The following CYRIB variants were observed in gnomAD, a reference collection of about 807,000 sequenced individuals.
CYRIB encodes CYFIP-related Rac1 interactor B.
Under a neutral mutation model 44.2 loss-of-function variants are expected in CYRIB, and 8 were observed. The ratio of observed to expected loss-of-function variants is 0.18; its 90% CI spans 0.11 to 0.33. The LOEUF (loss-of-function observed/expected upper bound fraction) is 0.33, where lower values mean the gene tolerates loss of function less well. Among genes scored for constraint, CYRIB ranks in the 10% least tolerant of loss-of-function variants. The pLI, the probability that CYRIB is intolerant of heterozygous loss-of-function variation, is 1.00. For synonymous variants in CYRIB, 131 were observed against 127.2 expected (o/e 1.03, Z -0.20); for missense variants, 185 against 382.8 (o/e 0.48, Z 4.31).
At chr8:130,002,312 T>A (rs2096925368) in intron 1 of CYRIB, among the ~76,000 whole-genome samples, 1 of 152,034 alleles carries the variant, frequency 6.6e-6, no homozygotes. Context: ...AATTAAAAAA[T>A]TAATCAGATG....
chr8:129,955,252 CAAAAAAAA>C (rs34829432), intron 2 of CYRIB, among the ~76,000 whole-genome samples: 1 of 102,868 alleles, frequency 9.7e-6, no homozygotes, highest in African/African-American at 3.7e-5. Flanking sequence ...AACTCCGTCT[CAAAAAAAA>C]AAAAAAAAAA....
chr8:129,956,830 T>TCC (rs1433321058), intron 2 of CYRIB, among the ~76,000 whole-genome samples: 6 of 34,590 alleles, frequency 1.7e-4, no homozygotes, highest in African/African-American at 7.7e-4. Flanking sequence ...CCTCCCTCCC[T>TCC]CCCCCCAGCC....
Position 130,006,610 on chromosome 8 carries a change from ATATATGTG to A in CYRIB, c.-296+9752_-296+9759del, listed in dbSNP as rs1398966243. Among the ~76,000 whole-genome samples, 92 of 16,256 alleles carry A rather than the reference ATATATGTG, an allele frequency of 5.7e-3. 11 individuals carry two copies. The highest frequency in any genetic ancestry group is 0.035 in the South Asian group (8 of 230). 10.7% of individuals were successfully genotyped at this position (16,256 alleles called of 152,430 possible). A position where few individuals can be genotyped will look rare whatever the true frequency, so the allele number is the denominator to read the frequency against. ...AAACACAAATTATATATATATACAT[ATATATGTG>A]TATATATATACATATATATGTGTAT... On this transcript the variant is annotated intron_variant, in intron 1 of 14. Coordinates refer to the CYRIB transcript ENST00000401979.
chr8:129,995,248 G>T (rs1208990462), intron 1 of CYRIB, among the ~76,000 whole-genome samples: 1 of 152,198 alleles, frequency 6.6e-6, no homozygotes, highest in East Asian at 1.9e-4. Context: ...CAGGCTCCCA[G>T]GGTGGCGGAA....
chr8:130,001,590 G>T (rs529749414), intron 1 of CYRIB, among the ~76,000 whole-genome samples: 10 of 145,508 alleles, frequency 6.9e-5, no homozygotes, highest in African/African-American at 2.6e-4. Context: ...GTGCAATGGC[G>T]CAATCTTGGT....
intron 1 of CYRIB, among the ~76,000 whole-genome samples, chr8:130,013,390 A>G (rs972060975): frequency 6.6e-6 from 1 of 152,230 alleles, no homozygotes; most frequent in Non-Finnish European, 1.5e-5. Flanking sequence ...GAGCCCTGGG[A>G]GACCAACGGG....
intron 1 of CYRIB, among the ~76,000 whole-genome samples, chr8:129,911,579 A>G (rs1023468622): frequency 5.3e-5 from 8 of 152,070 alleles, no homozygotes; most frequent in Non-Finnish European, 1.0e-4. Context: ...AGGTGGGCGA[A>G]TCACGAGGTC....
intron 2 of CYRIB, among the ~76,000 whole-genome samples, chr8:129,892,168 C>A (rs1362945896): frequency 6.6e-6 from 1 of 152,120 alleles, no homozygotes; most frequent in Non-Finnish European, 1.5e-5. Flanking sequence ...TGGTTTGCAT[C>A]AAGTACAGAC....
intron 2 of CYRIB, among the ~76,000 whole-genome samples, chr8:129,892,042 G>A (rs2065656404): frequency 3.3e-5 from 5 of 152,048 alleles, no homozygotes; most frequent in Admixed American, 2.6e-4. Context: ...GCCATTAAAT[G>A]TTAAAAAAAC....
chr8:130,011,687 G>A (rs112220151), intron 1 of CYRIB, among the ~76,000 whole-genome samples: 2,746 of 151,446 alleles, frequency 0.018, 78 homozygotes, highest in African/African-American at 0.064. Flanking sequence ...AAAGAAATTA[G>A]CCAGGCATGG....
chr8:129,981,411 G>A (rs1401195181), intron 1 of CYRIB, among the ~76,000 whole-genome samples: 1 of 152,178 alleles, frequency 6.6e-6, no homozygotes, highest in South Asian at 2.1e-4. Context: ...TCAGCCGCCC[G>A]AAGCGCTGTG....
At chr8:129,940,213 G>A (rs1481489318), upstream of CYRIB, among the ~76,000 whole-genome samples, 2 of 152,134 alleles carry the variant, frequency 1.3e-5, no homozygotes, top group Admixed American at 6.5e-5. Flanking sequence ...ACTGGACCTC[G>A]GGACTCGATG....
intron 1 of CYRIB, among the ~76,000 whole-genome samples, chr8:130,008,954 C>A (rs1237487645): frequency 6.6e-6 from 1 of 152,198 alleles, no homozygotes; most frequent in Non-Finnish European, 1.5e-5. Flanking sequence ...CTCCCTGAGT[C>A]CCAGCACTGA....
chr8:129,855,860 A>G (rs2045955637), intron 5 of CYRIB, 113 bp from the exon 8 acceptor site: 1 of 968,924 alleles, frequency 1.0e-6, no homozygotes. Context: ...TCTTTAAAAA[A>G]CAGATGATCT....
intron 1 of CYRIB, among the ~76,000 whole-genome samples, chr8:129,932,135 A>G (rs1170919683): frequency 1.3e-5 from 2 of 151,272 alleles, no homozygotes; most frequent in Non-Finnish European, 2.9e-5. Context: ...AGTAGCTGGG[A>G]TTACAGGTGC....
intron 1 of CYRIB, among the ~76,000 whole-genome samples, chr8:130,006,029 G>A (rs546995495): frequency 5.3e-5 from 8 of 152,088 alleles, no homozygotes; most frequent in African/African-American, 1.7e-4. Flanking sequence ...CAGGCTGGGC[G>A]CGGTAGCTCA....
rs532997313 is a variant in CYRIB, at chr8:129,958,763, T to TA, written c.-243+12179dup. ...GTTTTCCTCCCATCTACCACTGGTT[T>TA]AAAAAAAAAAAAAAAAAAGAGGCCG... On this transcript the variant is annotated intron_variant, in intron 2 of 14. Transcript: ENST00000401979. 9.7e-3 allele frequency among the ~76,000 whole-genome samples: 1,257 copies of TA among 130,024 alleles called. 9 individuals carry two copies. The highest frequency in any genetic ancestry group is 0.032 in the Middle Eastern group (8 of 252). 85.3% of individuals were successfully genotyped at this position (130,024 alleles called of 152,430 possible). A position where few individuals can be genotyped will look rare whatever the true frequency, so the allele number is the denominator to read the frequency against.
chr8:129,973,454 C>T (rs765002264), intron 1 of CYRIB, among the ~76,000 whole-genome samples: 1 of 152,170 alleles, frequency 6.6e-6, no homozygotes, highest in African/African-American at 2.4e-5. Flanking sequence ...GGGCCAGGTG[C>T]CCCCCTGAGG....
rs566143940 is a variant in CYRIB at position 129,879,240 on chromosome 8, C to G, written c.73+149G>C. 127 of 612,182 alleles carry G rather than the reference C, an allele frequency of 2.1e-4. 1 individual carries two copies. The South Asian group carries it at 2.3e-3, about 11-fold the overall frequency. 37.9% of individuals were successfully genotyped at this position (612,182 alleles called of 1,614,324 possible). On this transcript the variant is annotated intron_variant, in intron 3 of 11. Transcript: ENST00000519824. ...AATCTATAAAATAGGACTTCCAGTT[C>G]TAGAAGGCACCAGAAATTTACTCAA...
Sources: gnomAD v4.1 joint callset for allele counts (sites outside exome capture counted in the v4.1 genomes callset) on GRCh38, gnomAD v4.1.1 for gene constraint, MANE v1.5 for transcripts, NCBI Gene and HGNC (gene_info 2026-07-23, HGNC 2026-07-21) for gene names.